The following TRDN variants were observed in gnomAD, a reference collection of about 807,000 sequenced individuals.
TRDN encodes triadin in skeletal muscle.
TRDN carries 161 observed loss-of-function variants against 149.7 expected under a neutral mutation model. The ratio of observed to expected loss-of-function variants is 1.08; its 90% CI spans 0.95 to 1.23. The LOEUF (loss-of-function observed/expected upper bound fraction) is 1.23. Among genes scored for constraint, TRDN ranks in the 50% most tolerant of loss-of-function variants. TRDN has a pLI of 0.00. For missense variants in TRDN, 896 were observed against 823.5 expected (o/e 1.09, Z -1.08); for synonymous variants, 294 against 250.5 (o/e 1.17, Z -1.64).
chr6:123,223,717 C>CTTCA (rs1554214201), intron 39 of TRDN, among the ~76,000 whole-genome samples: 5 of 146,842 alleles, frequency 3.4e-5, no homozygotes, highest in South Asian at 4.3e-4. Context: ...TCCTTCCTTC[C>CTTCA]TTCCTTCCTT....
chr6:123,394,948 T>G (rs1772657590), intron 12 of TRDN, among the ~76,000 whole-genome samples: 1 of 152,066 alleles, frequency 6.6e-6, no homozygotes, highest in African/African-American at 2.4e-5. Flanking sequence ...TATATATAAC[T>G]GACATTTAGT....
chr6:123,504,741 T>G (rs1466896740), intron 7 of TRDN, among the ~76,000 whole-genome samples: 2 of 152,202 alleles, frequency 1.3e-5, no homozygotes, highest in Non-Finnish European at 2.9e-5. Context: ...ATAACTAGTC[T>G]GTGGATCATT....
At chr6:123,533,858 C>T (rs891473433) in intron 4 of TRDN, among the ~76,000 whole-genome samples, 1 of 151,930 alleles carries the variant, frequency 6.6e-6, no homozygotes, top group Non-Finnish European at 1.5e-5. Context: ...ATAAGTTTTA[C>T]TTAAGCAAAA....
At chr6:123,591,056 A>G (rs1158058586) in intron 1 of TRDN, among the ~76,000 whole-genome samples, 8 of 152,066 alleles carry the variant, frequency 5.3e-5, no homozygotes, top group Admixed American at 5.2e-4. Flanking sequence ...TTTGTCAGTA[A>G]TATAAATTGG....
At chr6:123,230,242 A>G (rs1042297645) in intron 38 of TRDN, among the ~76,000 whole-genome samples, 5 of 152,036 alleles carry the variant, frequency 3.3e-5, no homozygotes, top group Non-Finnish European at 7.4e-5. Flanking sequence ...TTGTAGGGAC[A>G]TGGATGAACC....
At chr6:123,543,845 A>G (rs1780975887) in intron 4 of TRDN, among the ~76,000 whole-genome samples, 1 of 152,078 alleles carries the variant, frequency 6.6e-6, no homozygotes, top group Non-Finnish European at 1.5e-5. Flanking sequence ...GAAGGTTTTC[A>G]TCTTTCTCTT....
At chr6:123,473,612 C>G (rs905526711) in intron 9 of TRDN, among the ~76,000 whole-genome samples, 1 of 151,372 alleles carries the variant, frequency 6.6e-6, no homozygotes, top group Non-Finnish European at 1.5e-5. Context: ...AGATACTCCT[C>G]GAGAAGAGCA....
At chr6:123,390,591 T>G (rs934316770) in intron 13 of TRDN, among the ~76,000 whole-genome samples, 15 of 152,124 alleles carry the variant, frequency 9.9e-5, no homozygotes, top group African/African-American at 3.6e-4. Context: ...TGGAAAGCCA[T>G]GTTATCTACC....
At chr6:123,451,269 T>C (rs138592247) in intron 10 of TRDN, among the ~76,000 whole-genome samples, 3 of 148,788 alleles carry the variant, frequency 2.0e-5, no homozygotes, top group African/African-American at 7.6e-5. Context: ...TAAATAAAAT[T>C]GAAACAACAA....
chr6:123,513,338 T>C (rs986577336), intron 6 of TRDN, among the ~76,000 whole-genome samples: 2 of 152,200 alleles, frequency 1.3e-5, no homozygotes, highest in African/African-American at 4.8e-5. Context: ...TGGCATAAGG[T>C]AAATAAAAGA....
chr6:123,387,193 C>G (rs1173672512), intron 14 of TRDN, among the ~76,000 whole-genome samples: 1 of 152,034 alleles, frequency 6.6e-6, no homozygotes, highest in African/African-American at 2.4e-5. Flanking sequence ...TTCATTTTCA[C>G]CTCAGGACTC....
chr6:123,354,075 G>A (rs1780567780), intron 20 of TRDN, among the ~76,000 whole-genome samples: 1 of 151,770 alleles, frequency 6.6e-6, no homozygotes. Context: ...TATTCCTGAG[G>A]TGACTTTCCA....
At chr6:123,463,125 C>T (rs534925187) in intron 10 of TRDN, 2 of 152,192 alleles carry the variant, frequency 1.3e-5, no homozygotes, top group African/African-American at 4.8e-5. Context: ...ATCACGAGGT[C>T]AGGAGATTGA....
intron 2 of TRDN, among the ~76,000 whole-genome samples, chr6:123,569,296 A>G (rs963763167): frequency 6.6e-6 from 1 of 152,128 alleles, no homozygotes; most frequent in African/African-American, 2.4e-5. Context: ...CACTGTTCAT[A>G]TCAGTATCAG....
At chr6:123,293,360 A>G (rs1778079098) in intron 24 of TRDN, among the ~76,000 whole-genome samples, 1 of 152,124 alleles carries the variant, frequency 6.6e-6, no homozygotes, top group African/African-American at 2.4e-5. Context: ...TGCACAAATG[A>G]GTTTATCATT....
intron 24 of TRDN, among the ~76,000 whole-genome samples, chr6:123,282,090 G>T (rs1016218512): frequency 3.9e-5 from 6 of 151,948 alleles, no homozygotes; most frequent in Admixed American, 6.6e-5. Flanking sequence ...TAGAGGGAAT[G>T]TAATATGAAG....
intron 10 of TRDN, among the ~76,000 whole-genome samples, chr6:123,452,152 T>C: frequency 6.6e-6 from 1 of 151,834 alleles, no homozygotes; most frequent in Non-Finnish European, 1.5e-5. Flanking sequence ...ATTGAATGGG[T>C]AAAAGTTGAA....
intron 23 of TRDN, among the ~76,000 whole-genome samples, chr6:123,327,976 G>T (rs1011837275): frequency 6.6e-6 from 1 of 151,992 alleles, no homozygotes; most frequent in Non-Finnish European, 1.5e-5. Flanking sequence ...TGATTTTTGC[G>T]TTGTTTTGTT....
chr6:123,569,777 A>T (rs1325180630), intron 2 of TRDN, among the ~76,000 whole-genome samples: 1 of 152,158 alleles, frequency 6.6e-6, no homozygotes, highest in Non-Finnish European at 1.5e-5. Flanking sequence ...TATTGTGAGG[A>T]CAGCACCAAG....
Sources: gnomAD v4.1 joint callset for allele counts (sites outside exome capture counted in the v4.1 genomes callset) on GRCh38, gnomAD v4.1.1 for gene constraint, MANE v1.5 for transcripts, NCBI Gene and HGNC (gene_info 2026-07-23, HGNC 2026-07-21) for gene names.